Variants in UBR1 observed in about 807,000 individuals in gnomAD.
UBR1 encodes the protein ubiquitin protein ligase E3 component n-recognin 1.
A neutral mutation model predicts 242.1 loss-of-function variants in UBR1; 102 were observed. The observed-to-expected ratio is 0.42, with a 90% CI of 0.36 to 0.50. The LOEUF is 0.50. Among genes scored for constraint, UBR1 ranks in the 20% least tolerant of loss-of-function variants. The pLI is 0.01. For synonymous variants in UBR1, 675 were observed against 684.8 expected (o/e 0.99, Z 0.22); for missense variants, 1,772 against 2,101.8 (o/e 0.84, Z 3.07).
chr15:42,988,658 A>G, intron 35 of UBR1, 161 bp downstream of exon 35: 1 of 914,120 alleles, frequency 1.1e-6, no homozygotes, highest in Admixed American at 2.1e-5. Flanking sequence ...TAAAAAAATT[A>G]CCAGACCAAA....
chr15:43,011,979 C>T (rs764832072), intron 29 of UBR1: 13 of 440,832 alleles, frequency 2.9e-5, no homozygotes, highest in South Asian at 4.9e-5. Context: ...GTAATCCCAG[C>T]GCTTTGGGAG....
At chr15:43,038,790 C>G (rs1246832219) in intron 15 of UBR1, among the ~76,000 whole-genome samples, 1 of 152,024 alleles carries the variant, frequency 6.6e-6, no homozygotes, top group Non-Finnish European at 1.5e-5. Context: ...TTTATTCTGC[C>G]TTTAGCCACG....
At chr15:43,063,711 T>C (rs532783472) in intron 6 of UBR1, among the ~76,000 whole-genome samples, 47 of 64,822 alleles carry the variant, frequency 7.3e-4, no homozygotes, top group African/African-American at 2.8e-3. Context: ...TTTTTCAGAA[T>C]GCCTGCCTTT....
At chr15:42,972,517 C>A (rs2032223736) in intron 39 of UBR1, among the ~76,000 whole-genome samples, 1 of 151,964 alleles carries the variant, frequency 6.6e-6, no homozygotes, top group Non-Finnish European at 1.5e-5. Flanking sequence ...TACAGGTGTG[C>A]ACCACCATGC....
rs1361395628 is a variant in UBR1, at chr15:43,095,540, A to AT, written c.82-9301dup. Among the ~76,000 whole-genome samples, 234 of 150,064 alleles carry AT rather than the reference A, an allele frequency of 1.6e-3. 1 individual carries two copies. The highest frequency in any genetic ancestry group is 2.7e-3 in the Non-Finnish European group (180 of 67,808). ...CAGATTAGAATTAGAGTGTGACAAC[A>AT]TTAAAAAAAAAAAAAAAAGGCTGCA... On this transcript the variant is annotated intron_variant, in intron 1 of 46. Transcript: ENST00000290650.
At chr15:42,988,683 C>G (rs1159603129) in intron 35 of UBR1, 136 bp downstream of exon 35, 9 of 1,213,740 alleles carry the variant, frequency 7.4e-6, no homozygotes, top group Non-Finnish European at 1.1e-5. Flanking sequence ...ATGAGCCACA[C>G]TAATACACTG....
At chr15:42,963,891 A>C in intron 42 of UBR1, 44 bp downstream of exon 42, 1 of 1,470,964 alleles carries the variant, frequency 6.8e-7, no homozygotes, top group Non-Finnish European at 9.5e-7. Flanking sequence ...TTAAAATTTC[A>C]AATTGTATAA....
chr15:43,025,189 G>A (rs777025730), intron 24 of UBR1, among the ~76,000 whole-genome samples, 192 bp downstream of exon 24: 8 of 152,128 alleles, frequency 5.3e-5, no homozygotes, highest in Non-Finnish European at 1.0e-4. Context: ...AACTACATTT[G>A]TTATCAATTT....
intron 4 of UBR1, among the ~76,000 whole-genome samples, chr15:43,071,956 C>T (rs758610276): frequency 6.6e-6 from 1 of 152,136 alleles, no homozygotes; most frequent in Non-Finnish European, 1.5e-5. Context: ...TTGCAGGATA[C>T]AAGATAATGT....
intron 6 of UBR1, among the ~76,000 whole-genome samples, chr15:43,062,807 G>A (rs1264828364): frequency 6.6e-6 from 1 of 151,896 alleles, no homozygotes; most frequent in African/African-American, 2.4e-5. Context: ...CTGAAGGGAG[G>A]CAGTGTTTTT....
At chr15:43,002,462 C>T in intron 32 of UBR1, 93 bp downstream of exon 32, 1 of 1,407,750 alleles carries the variant, frequency 7.1e-7, no homozygotes, top group Non-Finnish European at 9.9e-7. Context: ...CTCTGGCAAT[C>T]CGCCCATCTC....
chr15:43,096,882 G>T (rs758323492), intron 1 of UBR1, among the ~76,000 whole-genome samples: 2 of 151,762 alleles, frequency 1.3e-5, no homozygotes, highest in African/African-American at 4.8e-5. Context: ...CATCCAGGAG[G>T]GTTGGAATCA....
chr15:43,088,392 TA>T (rs1322852758), intron 1 of UBR1, among the ~76,000 whole-genome samples: 1 of 152,218 alleles, frequency 6.6e-6, no homozygotes, highest in Non-Finnish European at 1.5e-5. Flanking sequence ...CAGAATGTCA[TA>T]AATACTGTTA....
intron 11 of UBR1, among the ~76,000 whole-genome samples, chr15:43,055,653 A>G (rs762893337): frequency 2.0e-5 from 3 of 151,886 alleles, no homozygotes; most frequent in Non-Finnish European, 4.4e-5. Flanking sequence ...GGTGGCTCAC[A>G]CTTGTAATCC....
At chr15:43,087,354 G>A (rs890777698) in intron 1 of UBR1, among the ~76,000 whole-genome samples, 1 of 151,914 alleles carries the variant, frequency 6.6e-6, no homozygotes, top group Non-Finnish European at 1.5e-5. Context: ...GCAGTGAGCC[G>A]AGAATGCGCC....
Position 42,976,787 on chromosome 15 carries a change from A to G in UBR1, c.4299T>C (p.Tyr1433=), listed in dbSNP as rs1421930689. 1 of 1,614,048 alleles carries G rather than the reference A, an allele frequency of 6.2e-7. No individual in the cohort carries two copies. The highest frequency in any genetic ancestry group is 8.5e-7 in the Non-Finnish European group (1 of 1,180,028). Residue 1433 remains tyrosine (Y), a synonymous_variant, in exon 39 of 47, where the codon TAT becomes TAC. Transcript: ENST00000290650. ...TCAAATGGAAGAGATAAAGGTGGTTATAGGAAGAACTAACTGAAGAAGGCT... is the reference window on the plus strand; with the variant it reads ...TCAAATGGAAGAGATAAAGGTGGTTGTAGGAAGAACTAACTGAAGAAGGCT... ...DLQPSSVSSS[Y]NHLYLFHLIT... is the part of the protein sequence containing the mutation.
rs535998463 is a variant in UBR1 at position 43,036,011 on chromosome 15, A to G, written c.2190+167T>C. ...GAGTTAGTGGGTGCAGCGCACCAGC[A>G]TGGCACATGTATACATATGTAACTA... On this transcript the variant is annotated intron_variant, in intron 19 of 46. Coordinates refer to ENST00000290650, the MANE Select transcript of UBR1 (RefSeq NM_174916.3). Among the ~76,000 whole-genome samples the G allele has an allele frequency of 2.0e-5, 3 of 152,212 alleles. No individual in the cohort carries two copies. In the South Asian group the frequency reaches 6.2e-4, roughly 32 times the overall value.
intron 3 of UBR1, among the ~76,000 whole-genome samples, chr15:43,081,417 CAAAAAAAAAAAA>C (rs71108197): frequency 1.4e-5 from 1 of 69,708 alleles, no homozygotes. Context: ...CACCCCATCT[CAAAAAAAAAAAA>C]AAAAAAAAAA....
intron 16 of UBR1, 53 bp downstream of exon 16, chr15:43,038,118 G>C: frequency 6.4e-7 from 1 of 1,571,874 alleles, no homozygotes; most frequent in South Asian, 1.1e-5. Flanking sequence ...CATCAACCAA[G>C]AGATATTCAG....
Sources: gnomAD v4.1 joint callset for allele counts (sites outside exome capture counted in the v4.1 genomes callset) on GRCh38, gnomAD v4.1.1 for gene constraint, MANE v1.5 for transcripts, NCBI Gene and HGNC (gene_info 2026-07-23, HGNC 2026-07-21) for gene names.